FRAS1: variants seen among roughly 807,000 people sequenced by gnomAD.
FRAS1 encodes the protein Fraser extracellular matrix complex subunit 1.
Under a neutral mutation model 435.2 loss-of-function variants are expected in FRAS1, and 290 were observed. That is an observed-to-expected ratio of 0.67 (90% CI 0.61 to 0.73). FRAS1 has a LOEUF of 0.73. FRAS1 is among the 30% of genes least tolerant of loss of function. FRAS1 has a pLI of 0.00. For missense variants in FRAS1, 4,860 were observed against 5,001.5 expected (o/e 0.97, Z 0.85); for synonymous variants, 1,800 against 1,851.0 (o/e 0.97, Z 0.71).
intron 2 of FRAS1, among the ~76,000 whole-genome samples, chr4:78,206,931 A>T (rs1723284757): frequency 6.6e-6 from 1 of 152,126 alleles, no homozygotes; most frequent in African/African-American, 2.4e-5. Context: ...GCCACAGGTG[A>T]TTGTGACCTT....
At position 78,399,366 on chromosome 4, in the gene FRAS1, T is replaced by C. The variant is rs150383955; in HGVS notation, c.3976-1368T>C. 2.7e-3 allele frequency among the ~76,000 whole-genome samples: 405 copies of C among 152,330 alleles called. 1 individual carries two copies. The highest frequency in any genetic ancestry group is 9.4e-3 in the African/African-American group (390 of 41,578). ...AGTGGTGTTTGCTCTGTTCCATTTA[T>C]TGGCATATTTGAAAGTAATAATAAT... On this transcript the variant is annotated intron_variant, in intron 29 of 73. Coordinates refer to ENST00000512123, the MANE Select transcript of FRAS1 (RefSeq NM_025074.7).
rs1410303028 is a variant in FRAS1 at position 78,508,966 on chromosome 4, C to T, written c.9740C>T (p.Thr3247Ile). 3 of 1,614,006 alleles carry T rather than the reference C, an allele frequency of 1.9e-6. No homozygotes were observed. Among genetic ancestry groups the T allele is most frequent in the Admixed American group, 1.7e-5 (1 of 60,024 alleles). ...DGNGARSPFETITDNTPFTSV... is the reference protein window; with the variant it reads ...DGNGARSPFEIITDNTPFTSV... Reference sequence around the variant, plus strand: ...AATGGGGCCCGGTCTCCCTTTGAAACCATCACTGACAACACACCATTCACC... The same window carrying T: ...AATGGGGCCCGGTCTCCCTTTGAAATCATCACTGACAACACACCATTCACC... Residue 3247 changes from threonine to isoleucine, a missense_variant, in exon 63 of 74, where the codon ACC becomes ATC. By Grantham distance (89) the Thr-to-Ile change is moderately conservative. Transcript: ENST00000512123.
intron 32 of FRAS1, among the ~76,000 whole-genome samples, chr4:78,413,287 G>A (rs1215673437): frequency 2.0e-5 from 3 of 152,136 alleles, no homozygotes; most frequent in Non-Finnish European, 2.9e-5. Flanking sequence ...AAGGTTATGC[G>A]GAATCCGTAT....
intron 2 of FRAS1, among the ~76,000 whole-genome samples, chr4:78,166,318 G>T (rs1199141374): frequency 6.6e-6 from 1 of 152,074 alleles, no homozygotes; most frequent in African/African-American, 2.4e-5. Flanking sequence ...GGGGGTTGCA[G>T]ACTTGTAAGA....
At chr4:78,238,942 T>G (rs1476924513) in intron 3 of FRAS1, among the ~76,000 whole-genome samples, 1 of 152,166 alleles carries the variant, frequency 6.6e-6, no homozygotes, top group Non-Finnish European at 1.5e-5. Flanking sequence ...TTGAAATGAT[T>G]GAAAAAATAA....
At chr4:78,242,977 G>C (rs553282517) in intron 3 of FRAS1, among the ~76,000 whole-genome samples, 1 of 152,192 alleles carries the variant, frequency 6.6e-6, no homozygotes, top group South Asian at 2.1e-4. Flanking sequence ...AAAAGATTGA[G>C]AGAAAGAACA....
chr4:78,407,446 A>AGTCC (rs1342376351), intron 30 of FRAS1, among the ~76,000 whole-genome samples: 1 of 152,210 alleles, frequency 6.6e-6, no homozygotes, highest in Admixed American at 6.5e-5. Context: ...AATGACTTTT[A>AGTCC]GTTCTTTTAG....
At chr4:78,374,428 G>A (rs1004426451) in intron 25 of FRAS1, among the ~76,000 whole-genome samples, 177 bp downstream of exon 25, 2 of 152,284 alleles carry the variant, frequency 1.3e-5, no homozygotes, top group South Asian at 4.2e-4. Context: ...GGTTAATTAG[G>A]ATATAGGAGT....
At chr4:78,171,714 C>A (rs1347067077) in intron 2 of FRAS1, among the ~76,000 whole-genome samples, 5 of 152,142 alleles carry the variant, frequency 3.3e-5, no homozygotes, top group Admixed American at 3.3e-4. Flanking sequence ...TTAGCACCTG[C>A]TATGAAGCCA....
chr4:78,072,186 A>G (rs190159869), intron 2 of FRAS1: 1 of 152,264 alleles, frequency 6.6e-6, no homozygotes, highest in Admixed American at 6.5e-5. Flanking sequence ...TTTATATTAG[A>G]GCAGAAAAAG....
chr4:78,488,634 A>G (rs1038139202), intron 58 of FRAS1, among the ~76,000 whole-genome samples: 4 of 152,220 alleles, frequency 2.6e-5, no homozygotes, highest in Non-Finnish European at 5.9e-5. Flanking sequence ...TTGTACAAAG[A>G]TAGGTACAAA....
At chr4:78,224,981 G>A (rs1383195826) in intron 2 of FRAS1, among the ~76,000 whole-genome samples, 1 of 152,160 alleles carries the variant, frequency 6.6e-6, no homozygotes, top group Non-Finnish European at 1.5e-5. Context: ...ATACTGAAAT[G>A]CATGCAAAGG....
intron 29 of FRAS1, among the ~76,000 whole-genome samples, chr4:78,397,637 G>T (rs1233936320): frequency 1.5e-5 from 2 of 136,664 alleles, no homozygotes; most frequent in African/African-American, 5.5e-5. Context: ...TAGCCAGTTA[G>T]TATGATCTGC....
intron 50 of FRAS1, among the ~76,000 whole-genome samples, chr4:78,469,735 C>CTTGTTGTTG (rs529520900): frequency 6.6e-6 from 1 of 151,680 alleles, no homozygotes. Context: ...AAGAATGCCA[C>CTTGTTGTTG]TTGTTGTTGT....
intron 2 of FRAS1, among the ~76,000 whole-genome samples, chr4:78,218,489 A>G (rs1385717468): frequency 2.0e-5 from 3 of 152,192 alleles, no homozygotes; most frequent in Non-Finnish European, 4.4e-5. Context: ...ACAGTTGCAG[A>G]CTGTGTGGAC....
intron 2 of FRAS1, among the ~76,000 whole-genome samples, chr4:78,197,150 A>G (rs1280410621): frequency 6.6e-6 from 1 of 152,196 alleles, no homozygotes; most frequent in African/African-American, 2.4e-5. Context: ...TTATCATTTA[A>G]CTATAGTTAT....
chr4:78,430,198 C>T lies in FRAS1; in HGVS notation c.4844-94C>T. 6 of 1,463,476 alleles carry T rather than the reference C, an allele frequency of 4.1e-6. No homozygotes were observed. In the South Asian group the frequency reaches 5.8e-5, roughly 14 times the overall value. The allele number at this position is 1,463,476 out of a possible 1,614,324, so 90.7% of individuals were successfully genotyped here. ...CTGATAACAATCAGATTACCCACAG[C>T]ATGACTCCTAGCCTGGCCTGCGGTT... On this transcript the variant is annotated intron_variant, in intron 36 of 73. Transcript: ENST00000512123.
intron 15 of FRAS1, among the ~76,000 whole-genome samples, chr4:78,308,440 C>T (rs543026772): frequency 5.9e-4 from 90 of 152,340 alleles, no homozygotes; most frequent in African/African-American, 2.1e-3. Flanking sequence ...TAGCCTTGTC[C>T]CGCAGATGAA....
chr4:78,304,033 A>G (rs896460120), intron 14 of FRAS1, among the ~76,000 whole-genome samples: 25 of 151,752 alleles, frequency 1.6e-4, no homozygotes, highest in Non-Finnish European at 3.1e-4. Flanking sequence ...ATGTCCCATC[A>G]ATACCTAATT....
Sources: gnomAD v4.1 joint callset for allele counts (sites outside exome capture counted in the v4.1 genomes callset) on GRCh38, gnomAD v4.1.1 for gene constraint, MANE v1.5 for transcripts, NCBI Gene and HGNC (gene_info 2026-07-23, HGNC 2026-07-21) for gene names.